PCSK5: variants seen among roughly 807,000 people sequenced by gnomAD.
The protein encoded by PCSK5 is proprotein convertase subtilisin/kexin type 5.
A neutral mutation model predicts 233.2 loss-of-function variants in PCSK5; 129 were observed. The observed-to-expected ratio is 0.55, with a 90% CI of 0.48 to 0.64. The LOEUF (loss-of-function observed/expected upper bound fraction) is 0.64, where lower values mean the gene tolerates loss of function less well. PCSK5 is among the 30% of genes least tolerant of loss of function. The probability of loss-of-function intolerance (pLI) is 0.00; values close to 1 mark genes in which losing one functional copy is unlikely to be tolerated. For synonymous variants in PCSK5, 825 were observed against 879.2 expected (o/e 0.94, Z 1.09); for missense variants, 2,076 against 2,430.1 (o/e 0.85, Z 3.06).
chr9:76,156,088 A>G (rs537235131), intron 10 of PCSK5, among the ~76,000 whole-genome samples: 58 of 152,368 alleles, frequency 3.8e-4, no homozygotes, highest in Non-Finnish European at 7.3e-4. Context: ...AAAGTCATTC[A>G]TGTGATGATA....
intron 7 of PCSK5, among the ~76,000 whole-genome samples, chr9:76,078,126 T>A (rs2131614569): frequency 6.6e-6 from 1 of 152,314 alleles, no homozygotes; most frequent in Non-Finnish European, 1.5e-5. Context: ...GCGCATTTGT[T>A]AATGGGGTTG....
chr9:75,910,052 T>C (rs1364896827), intron 1 of PCSK5, among the ~76,000 whole-genome samples: 9 of 152,240 alleles, frequency 5.9e-5, no homozygotes, highest in Admixed American at 5.9e-4. Flanking sequence ...CCCAGCCCAG[T>C]GCACGATAGA....
chr9:76,247,598 T>C (rs1204388038), intron 24 of PCSK5, among the ~76,000 whole-genome samples: 7 of 152,158 alleles, frequency 4.6e-5, no homozygotes, highest in African/African-American at 7.2e-5. Flanking sequence ...GCCTAGGAAA[T>C]CCAGCTAGTC....
chr9:76,081,020 A>G (rs1297102933), intron 7 of PCSK5, among the ~76,000 whole-genome samples: 9 of 152,204 alleles, frequency 5.9e-5, no homozygotes, highest in African/African-American at 2.2e-4. Context: ...GAAAAATATC[A>G]AAGATAATAT....
At chr9:76,068,687 T>C (rs1480292828) in intron 6 of PCSK5, among the ~76,000 whole-genome samples, 3 of 139,610 alleles carry the variant, frequency 2.1e-5, no homozygotes, top group African/African-American at 1.0e-4. Flanking sequence ...AAGCAAACTC[T>C]TAACTTTCCC....
rs529961955 is a variant in PCSK5, at chr9:75,986,260, G to A, written c.411+15G>A. ...TGTGGTATATGGTAAGCTTGCTAAG[G>A]AAGCCTGGCCTAGGGCCATGTCATC... On this transcript the variant is annotated intron_variant, in intron 3 of 37. Transcript: ENST00000674117. The A allele has an allele frequency of 9.4e-5, 138 of 1,473,662 alleles. 4 individuals are homozygous for A. In the South Asian group the frequency reaches 1.5e-3, roughly 16 times the overall value. The allele number at this position is 1,473,662 out of a possible 1,614,324, so 91.3% of individuals were successfully genotyped here. A position where few individuals can be genotyped will look rare whatever the true frequency, so the allele number is the denominator to read the frequency against.
At chr9:76,330,517 G>A (rs1043908904) in intron 33 of PCSK5, among the ~76,000 whole-genome samples, 1 of 152,086 alleles carries the variant, frequency 6.6e-6, no homozygotes, top group Non-Finnish European at 1.5e-5. Context: ...GGGAGGTCGA[G>A]GCAGGAGGAT....
chr9:76,270,249 T>G (rs1237835820), intron 24 of PCSK5, among the ~76,000 whole-genome samples: 1 of 152,196 alleles, frequency 6.6e-6, no homozygotes, highest in Non-Finnish European at 1.5e-5. Flanking sequence ...GATAAGTGTA[T>G]GTTGTCTTGG....
intron 20 of PCSK5, among the ~76,000 whole-genome samples, chr9:76,208,028 G>C (rs139980010): frequency 6.6e-6 from 1 of 152,252 alleles, no homozygotes; most frequent in East Asian, 1.9e-4. Flanking sequence ...ATGTGTCAGA[G>C]AGAAATGGGA....
chr9:76,180,948 T>C (rs931569), intron 15 of PCSK5, among the ~76,000 whole-genome samples: 38,800 of 151,692 alleles, frequency 0.26, 5,195 homozygotes, highest in Middle Eastern at 0.4. Context: ...AATATATTTA[T>C]ATTAATTTAG....
chr9:76,339,978 A>G (rs1236986802), intron 35 of PCSK5, among the ~76,000 whole-genome samples: 6 of 152,192 alleles, frequency 3.9e-5, no homozygotes, highest in Non-Finnish European at 7.3e-5. Flanking sequence ...CAAATATGCC[A>G]TGTTCTTTCA....
rs561061354 is a variant in PCSK5, at chr9:75,904,731, ACTGT to A, written c.192+13362_192+13365del. 1.8e-4 allele frequency among the ~76,000 whole-genome samples: 28 copies of A among 152,316 alleles called. No homozygotes were observed. In the South Asian group the frequency reaches 3.5e-3, roughly 19 times the overall value. ...TAAAGCTGTGAGACCACTTTGGAAA[ACTGT>A]CTGGCAGTTCCTCAAAAGGTGAAAC... On this transcript the variant is annotated intron_variant, in intron 1 of 37. Transcript: ENST00000674117.
intron 4 of PCSK5, among the ~76,000 whole-genome samples, chr9:76,024,223 G>A (rs909920264): frequency 1.3e-5 from 2 of 152,170 alleles, no homozygotes; most frequent in African/African-American, 4.8e-5. Flanking sequence ...GGAGAAAAAT[G>A]TACTTCGAAC....
chr9:75,999,462 T>C (rs902191040), intron 3 of PCSK5, among the ~76,000 whole-genome samples: 3 of 152,360 alleles, frequency 2.0e-5, no homozygotes, highest in Admixed American at 1.3e-4. Flanking sequence ...GCATTGTTTC[T>C]ATAGATATTA....
intron 1 of PCSK5, among the ~76,000 whole-genome samples, chr9:75,895,154 C>G (rs573748066): frequency 2.0e-5 from 3 of 152,114 alleles, no homozygotes; most frequent in African/African-American, 7.2e-5. Context: ...TTACCTAGAG[C>G]CCCCCCATTG....
intron 8 of PCSK5, among the ~76,000 whole-genome samples, chr9:76,097,929 C>G (rs2131659010): frequency 6.6e-6 from 1 of 152,244 alleles, no homozygotes; most frequent in Admixed American, 6.5e-5. Flanking sequence ...GCTGCTGTAC[C>G]TGACACTTTT....
intron 1 of PCSK5, among the ~76,000 whole-genome samples, chr9:75,918,835 T>C (rs1199078511): frequency 6.6e-6 from 1 of 152,376 alleles, no homozygotes; most frequent in South Asian, 2.1e-4. Flanking sequence ...AGTTCTTTAA[T>C]TGAATAACAT....
chr9:76,259,029 T>TAACA (rs1409659882), intron 24 of PCSK5, among the ~76,000 whole-genome samples: 1 of 152,148 alleles, frequency 6.6e-6, no homozygotes, highest in Non-Finnish European at 1.5e-5. Flanking sequence ...TATGCCCAAT[T>TAACA]AACAAACACC....
intron 30 of PCSK5, among the ~76,000 whole-genome samples, chr9:76,320,285 C>A (rs1297973863): frequency 1.3e-5 from 2 of 151,666 alleles, no homozygotes; most frequent in Non-Finnish European, 2.9e-5. Flanking sequence ...AAACAATTAG[C>A]CAGGCATGGT....
Sources: gnomAD v4.1 joint callset for allele counts (sites outside exome capture counted in the v4.1 genomes callset) on GRCh38, gnomAD v4.1.1 for gene constraint, MANE v1.5 for transcripts, NCBI Gene and HGNC (gene_info 2026-07-23, HGNC 2026-07-21) for gene names.